PSTPIP2: variants seen among roughly 807,000 people sequenced by gnomAD.
PSTPIP2 encodes proline-serine-threonine phosphatase-interacting protein 2.
A neutral mutation model predicts 63.3 loss-of-function variants in PSTPIP2; 33 were observed. The observed-to-expected ratio is 0.52, with a 90% CI of 0.40 to 0.70. The LOEUF is 0.70. Among genes scored for constraint, PSTPIP2 ranks in the 30% least tolerant of loss-of-function variants. PSTPIP2 has a pLI of 0.00. For synonymous variants in PSTPIP2, 125 were observed against 132.7 expected (o/e 0.94, Z 0.40); for missense variants, 312 against 400.7 (o/e 0.78, Z 1.89).
chr18:46,035,598 A>G (rs2144106771), intron 2 of PSTPIP2, among the ~76,000 whole-genome samples: 1 of 152,180 alleles, frequency 6.6e-6, no homozygotes, highest in Admixed American at 6.5e-5. Flanking sequence ...TCACCAATAA[A>G]CCCATCTGGC....
At chr18:46,024,246 T>C (rs995175606) in intron 3 of PSTPIP2, among the ~76,000 whole-genome samples, 1 of 151,962 alleles carries the variant, frequency 6.6e-6, no homozygotes, top group Non-Finnish European at 1.5e-5. Context: ...CAAACCATCC[T>C]CCCACCTCAG....
At chr18:46,069,822 C>T (rs767405413) in intron 1 of PSTPIP2, among the ~76,000 whole-genome samples, 4 of 152,128 alleles carry the variant, frequency 2.6e-5, no homozygotes, top group Non-Finnish European at 4.4e-5. Context: ...ATTTCTCTGT[C>T]CCCTTTCTCC....
At chr18:46,072,065 G>A in intron 1 of PSTPIP2, 91 bp downstream of exon 1, 5 of 1,427,346 alleles carry the variant, frequency 3.5e-6, no homozygotes, top group Non-Finnish European at 4.6e-6. Flanking sequence ...GAGTGGCGCC[G>A]GAGCTGGGGA....
At chr18:46,062,484 G>T (rs1909026167) in intron 1 of PSTPIP2, among the ~76,000 whole-genome samples, 1 of 140,416 alleles carries the variant, frequency 7.1e-6, no homozygotes, top group African/African-American at 3.1e-5. Flanking sequence ...CTACTAAAAA[G>T]AAAAAGAAAA....
intron 2 of PSTPIP2, chr18:46,028,955 C>A: frequency 8.4e-7 from 1 of 1,193,300 alleles, no homozygotes; most frequent in Non-Finnish European, 1.3e-6. Flanking sequence ...GAACGTCCTT[C>A]TGCTGCTCAG....
chr18:45,997,818 G>A lies in PSTPIP2; in HGVS notation c.573C>T (p.Tyr191=), dbSNP rs187834759. Reference sequence around the variant, plus strand: ...TATCCAGGGTGCCGATGTGCAGCATGTATGCTTTGTCTGCAACAGAAGGGA... The same window carrying A: ...TATCCAGGGTGCCGATGTGCAGCATATATGCTTTGTCTGCAACAGAAGGGA... The part of the protein sequence containing the change: ...KTAVEDSDKA[Y]MLHIGTLDKV... Residue 191 remains tyrosine (Y), a synonymous_variant, in exon 9 of 15, where the codon TAC becomes TAT. Coordinates refer to ENST00000409746, the MANE Select transcript of PSTPIP2 (RefSeq NM_024430.4). The A allele has an allele frequency of 1.6e-5, 26 of 1,604,396 alleles. No individual in the cohort carries two copies. Among genetic ancestry groups the A allele is most frequent in the East Asian group, 2.2e-5 (1 of 44,466 alleles).
At chr18:46,039,383 C>T (rs1908104163) in intron 2 of PSTPIP2, among the ~76,000 whole-genome samples, 1 of 152,130 alleles carries the variant, frequency 6.6e-6, no homozygotes. Flanking sequence ...TCCTCATCCT[C>T]CTGGTCTCTG....
At chr18:46,028,583 G>A in intron 2 of PSTPIP2, 1 of 754,950 alleles carries the variant, frequency 1.3e-6, no homozygotes, top group Non-Finnish European at 2.3e-6. Flanking sequence ...ACTCAGAAGC[G>A]GAGAATGAAG....
chr18:46,031,731 C>G (rs2144103167), intron 2 of PSTPIP2, among the ~76,000 whole-genome samples: 1 of 152,260 alleles, frequency 6.6e-6, no homozygotes, highest in Admixed American at 6.5e-5. Context: ...TCTTTAGACT[C>G]TTTTGTTGTT....
intron 2 of PSTPIP2, among the ~76,000 whole-genome samples, chr18:46,027,398 A>T (rs1299902801): frequency 6.6e-6 from 1 of 151,974 alleles, no homozygotes; most frequent in Non-Finnish European, 1.5e-5. Flanking sequence ...ATGCCTTTTA[A>T]AAATAGCTTG....
At chr18:46,013,759 G>A (rs1442797849) in intron 4 of PSTPIP2, among the ~76,000 whole-genome samples, 2 of 152,128 alleles carry the variant, frequency 1.3e-5, no homozygotes, top group East Asian at 3.9e-4. Flanking sequence ...GAAAAGCAAA[G>A]ATGACCAACA....
chr18:46,063,452 G>T (rs1486876187), intron 1 of PSTPIP2, among the ~76,000 whole-genome samples: 1 of 152,150 alleles, frequency 6.6e-6, no homozygotes, highest in Non-Finnish European at 1.5e-5. Flanking sequence ...AGGAGGCAAA[G>T]CTGAGGAAAG....
In PSTPIP2 at chr18:46,057,153, G is replaced by A. The variant is rs988094870; in HGVS notation, c.33+15003C>T. On this transcript the variant is annotated intron_variant, in intron 1 of 14. Coordinates refer to ENST00000409746, the MANE Select transcript of PSTPIP2 (RefSeq NM_024430.4). The stretch of plus-strand genomic sequence containing the variant: ...TTTTTGGCTCCCCCTTAAATTTTAC[G>A]TGCAAGGCAAGTGCCTCAGCCTAGC... Among the ~76,000 whole-genome samples the A allele has an allele frequency of 4.6e-5, 7 of 151,948 alleles. No individual in the cohort carries two copies. The South Asian group carries it at 1.2e-3, about 27-fold the overall frequency.
At chr18:46,028,965 G>C (rs1392256841) in intron 2 of PSTPIP2, 1 of 1,087,842 alleles carries the variant, frequency 9.2e-7, no homozygotes, top group Non-Finnish European at 1.4e-6. Flanking sequence ...CTGCTGCTCA[G>C]ATCTCATCTG....
chr18:46,021,803 C>T (rs12607686), intron 3 of PSTPIP2, among the ~76,000 whole-genome samples: 15,415 of 134,228 alleles, frequency 0.11, 1,089 homozygotes, highest in East Asian at 0.39. Flanking sequence ...AAAAATTAGC[C>T]GGGCCACTGC....
At chr18:45,987,323 G>C (rs57872016) in intron 14 of PSTPIP2, among the ~76,000 whole-genome samples, 36,717 of 151,810 alleles carry the variant, frequency 0.24, 6,329 homozygotes, top group African/African-American at 0.48. Context: ...TGTTTAGGTT[G>C]ATAAATGACA....
At chr18:46,025,148 G>T (rs1907532992) in intron 2 of PSTPIP2, among the ~76,000 whole-genome samples, 1 of 152,032 alleles carries the variant, frequency 6.6e-6, no homozygotes, top group African/African-American at 2.4e-5. Context: ...TGCAGGGTCG[G>T]TCTCAGCACT....
intron 1 of PSTPIP2, among the ~76,000 whole-genome samples, chr18:46,058,757 G>A (rs974125977): frequency 7.2e-5 from 11 of 152,200 alleles, no homozygotes; most frequent in Non-Finnish European, 1.6e-4. Context: ...GGGTGCTGAG[G>A]AGAGGTCTCG....
chr18:46,056,408 C>A (rs903764284), intron 1 of PSTPIP2, among the ~76,000 whole-genome samples: 2 of 152,306 alleles, frequency 1.3e-5, no homozygotes. Context: ...GGGTTCAATT[C>A]TGTCTTTCTT....
Sources: allele counts gnomAD v4.1 joint callset (sites outside exome capture counted in the v4.1 genomes callset), GRCh38; gene constraint gnomAD v4.1.1; transcripts MANE v1.5; gene names NCBI Gene and HGNC (gene_info 2026-07-23, HGNC 2026-07-21).